Variants in CCDC201 observed in about 807,000 individuals in gnomAD.
The protein encoded by CCDC201 is coiled-coil domain-containing protein 201.
upstream of CCDC201, among the ~76,000 whole-genome samples, chr7:45,875,790 G>C (rs1182485456): frequency 2.0e-5 from 3 of 152,196 alleles, no homozygotes; most frequent in Non-Finnish European, 4.4e-5. Context: ...TGTGCCACCT[G>C]GGCGTGACTG....
At chr7:45,873,356 C>T (rs1307384866), upstream of CCDC201, among the ~76,000 whole-genome samples, 2 of 133,778 alleles carry the variant, frequency 1.5e-5, no homozygotes, top group African/African-American at 2.9e-5. Flanking sequence ...AGGAGATTAC[C>T]ACCCCAACTC....
At chr7:45,873,874 G>T (rs933277216), upstream of CCDC201, among the ~76,000 whole-genome samples, 1 of 150,914 alleles carries the variant, frequency 6.6e-6, no homozygotes, top group Non-Finnish European at 1.5e-5. Context: ...CAACCCCAAA[G>T]CAAAGTTTTT....
chr7:45,880,996 TG>T, the CCDC201 span, among the ~76,000 whole-genome samples: 1 of 152,186 alleles, frequency 6.6e-6, no homozygotes, highest in African/African-American at 2.4e-5. Context: ...CAAACTGGTA[TG>T]GGAATTTTCA....
the CCDC201 span, among the ~76,000 whole-genome samples, chr7:45,884,388 T>C: frequency 6.6e-6 from 1 of 152,318 alleles, no homozygotes; most frequent in East Asian, 1.9e-4. Flanking sequence ...GTGAGCCACT[T>C]TGCCTGACTC....
chr7:45,876,193 A>G (rs1786797737), upstream of CCDC201, among the ~76,000 whole-genome samples: 2 of 152,160 alleles, frequency 1.3e-5, no homozygotes, highest in South Asian at 4.1e-4. Context: ...CTTGTAGAGG[A>G]CGAAGAAACC....
At chr7:45,870,422 A>G (rs145071195) in intron 1 of CCDC201, among the ~76,000 whole-genome samples, 1 of 152,240 alleles carries the variant, frequency 6.6e-6, no homozygotes. Context: ...ATCCAACTAC[A>G]CATTGCATAC....
intron 1 of CCDC201, among the ~76,000 whole-genome samples, chr7:45,867,131 C>T (rs1348425752): frequency 6.6e-6 from 1 of 152,246 alleles, no homozygotes; most frequent in Non-Finnish European, 1.5e-5. Flanking sequence ...CATTTGTGTT[C>T]ACCATAAGGT....
In CCDC201 at chr7:45,867,299, A is replaced by G. The variant is rs146294113; in HGVS notation, c.19-805T>C. Reference sequence around the variant, plus strand: ...CGCACATCTGGCCGATTTACTACCAATGGAGGTAACTGCCAAAGCAATATC... The same window carrying G: ...CGCACATCTGGCCGATTTACTACCAGTGGAGGTAACTGCCAAAGCAATATC... On this transcript the variant is annotated intron_variant, in intron 1 of 2. Transcript: ENST00000636578. Among the ~76,000 whole-genome samples the G allele has an allele frequency of 1.6e-4, 25 of 152,312 alleles. No homozygotes were observed. The East Asian group carries it at 2.1e-3, about 13-fold the overall frequency.
chr7:45,860,610 T>C (rs938164386), exon 3 of CCDC201: 1 of 152,268 alleles, frequency 6.6e-6, no homozygotes, highest in East Asian at 1.9e-4. Context: ...TCTTGCCCTA[T>C]GTCTAACATA....
chr7:45,871,198 T>C (rs1217108553), intron 1 of CCDC201, among the ~76,000 whole-genome samples: 1 of 152,186 alleles, frequency 6.6e-6, no homozygotes, highest in Non-Finnish European at 1.5e-5. Flanking sequence ...TGGCAGAAGG[T>C]ACATCTCAAA....
chr7:45,884,261 G>C, the CCDC201 span, among the ~76,000 whole-genome samples: 1 of 152,204 alleles, frequency 6.6e-6, no homozygotes, highest in East Asian at 1.9e-4. Context: ...CACCATGCCT[G>C]GCTAATTATT....
At chr7:45,884,375 G>A in the CCDC201 span, among the ~76,000 whole-genome samples, 2 of 152,184 alleles carry the variant, frequency 1.3e-5, no homozygotes, top group African/African-American at 4.8e-5. Context: ...TGGAATTACA[G>A]GCGTGAGCCA....
At chr7:45,870,768 C>A (rs1037595977) in intron 1 of CCDC201, among the ~76,000 whole-genome samples, 1 of 150,932 alleles carries the variant, frequency 6.6e-6, no homozygotes, top group Non-Finnish European at 1.5e-5. Context: ...ACGGGGCGGG[C>A]GGGTGGAGGA....
chr7:45,884,420 T>G, the CCDC201 span, among the ~76,000 whole-genome samples: 1 of 152,292 alleles, frequency 6.6e-6, no homozygotes, highest in South Asian at 2.1e-4. Context: ...TCTAAGGATA[T>G]CCACTCTCTT....
upstream of CCDC201, among the ~76,000 whole-genome samples, chr7:45,875,906 A>T (rs997147176): frequency 6.6e-6 from 1 of 152,222 alleles, no homozygotes; most frequent in Non-Finnish European, 1.5e-5. Flanking sequence ...CAAGGATGAA[A>T]CAGATGCACA....
At chr7:45,879,152 T>G in the CCDC201 span, among the ~76,000 whole-genome samples, 1 of 152,216 alleles carries the variant, frequency 6.6e-6, no homozygotes, top group African/African-American at 2.4e-5. Flanking sequence ...CTCATCTCCA[T>G]CTGAGAACTC....
the CCDC201 span, among the ~76,000 whole-genome samples, chr7:45,881,491 C>A: frequency 5.3e-5 from 8 of 152,120 alleles, no homozygotes; most frequent in Non-Finnish European, 8.8e-5. Flanking sequence ...AGGCCGGAGT[C>A]TGGGGTTGGT....
the CCDC201 span, among the ~76,000 whole-genome samples, chr7:45,883,135 G>A: frequency 5.3e-5 from 8 of 152,042 alleles, no homozygotes; most frequent in Non-Finnish European, 1.0e-4. Context: ...TGCTCTTGGT[G>A]CTCTGATTCC....
chr7:45,867,985 A>G (rs1443091750), intron 1 of CCDC201, among the ~76,000 whole-genome samples: 1 of 152,230 alleles, frequency 6.6e-6, no homozygotes, highest in East Asian at 1.9e-4. Flanking sequence ...GGGAAAGTAT[A>G]TTAGTTATTT....
Sources: allele counts gnomAD v4.1 joint callset (sites outside exome capture counted in the v4.1 genomes callset), GRCh38; gene constraint gnomAD v4.1.1; transcripts MANE v1.5; gene names NCBI Gene and HGNC (gene_info 2026-07-23, HGNC 2026-07-21).